Variants in NFYC observed in about 807,000 individuals in gnomAD.
NFYC encodes the protein nuclear transcription factor Y subunit gamma.
A neutral mutation model predicts 53.1 loss-of-function variants in NFYC; 25 were observed. The observed-to-expected ratio is 0.47, with a 90% CI of 0.34 to 0.66. NFYC has a LOEUF of 0.66. Among genes scored for constraint, NFYC ranks in the 30% least tolerant of loss-of-function variants. The pLI, the probability that NFYC is intolerant of heterozygous loss-of-function variation, is 0.01. For missense variants in NFYC, 260 were observed against 422.7 expected (o/e 0.62, Z 3.38); for synonymous variants, 145 against 152.6 (o/e 0.95, Z 0.37).
chr1:40,691,904 T>C (rs905120476), intron 1 of NFYC, 37 bp downstream of exon 1: 5 of 350,150 alleles, frequency 1.4e-5, no homozygotes, highest in African/African-American at 4.5e-5. Flanking sequence ...GCGAGGGTGA[T>C]AGGGAAGCGG....
chr1:40,736,434 G>C (rs1645029937), intron 1 of NFYC, among the ~76,000 whole-genome samples: 1 of 152,186 alleles, frequency 6.6e-6, no homozygotes, highest in Non-Finnish European at 1.5e-5. Context: ...ATGGAGCCTG[G>C]AAAGTAACAA....
intron 1 of NFYC, 50 bp downstream of exon 1, chr1:40,691,917 G>A (rs1266161716): frequency 2.9e-6 from 1 of 343,406 alleles, no homozygotes. Context: ...GGAAGCGGCG[G>A]CGGGGGGAGG....
At chr1:40,703,757 T>A (rs919082716) in intron 1 of NFYC, among the ~76,000 whole-genome samples, 10 of 152,196 alleles carry the variant, frequency 6.6e-5, no homozygotes, top group African/African-American at 2.4e-4. Context: ...TAAAAAATAG[T>A]TATGTGTACC....
chr1:40,731,843 G>A (rs1172897517), intron 1 of NFYC, among the ~76,000 whole-genome samples: 1 of 152,134 alleles, frequency 6.6e-6, no homozygotes, highest in Non-Finnish European at 1.5e-5. Flanking sequence ...TTATTTCAGT[G>A]TTTAATATTA....
chr1:40,709,289 A>T (rs1332302714), intron 1 of NFYC: 1 of 152,266 alleles, frequency 6.6e-6, no homozygotes, highest in Non-Finnish European at 1.5e-5. Flanking sequence ...ACCACTGTGG[A>T]GGCAAGGTTT....
At chr1:40,707,376 C>A (rs688860) in intron 1 of NFYC, among the ~76,000 whole-genome samples, 18,443 of 150,330 alleles carry the variant, frequency 0.12, 1,242 homozygotes, top group African/African-American at 0.15. Context: ...TGCCTGTAGT[C>A]CCAGCTACTA....
At chr1:40,729,767 C>T (rs1644682745) in intron 1 of NFYC, among the ~76,000 whole-genome samples, 1 of 151,876 alleles carries the variant, frequency 6.6e-6, no homozygotes, top group South Asian at 2.1e-4. Context: ...CCTTCGCCTC[C>T]TGGGTTCAAG....
At chr1:40,759,608 A>G (rs560327853) in intron 6 of NFYC, among the ~76,000 whole-genome samples, 4 of 151,632 alleles carry the variant, frequency 2.6e-5, no homozygotes, top group Non-Finnish European at 5.9e-5. Flanking sequence ...GTGTGTATAT[A>G]TATGTATATG....
At chr1:40,698,251 T>C (rs1557728251) in intron 1 of NFYC, among the ~76,000 whole-genome samples, 1 of 151,314 alleles carries the variant, frequency 6.6e-6, no homozygotes, top group East Asian at 2.0e-4. Context: ...TAGTCCCAGC[T>C]ACTCAGGAGG....
Position 40,749,559 on chromosome 1 carries a change from T to C in NFYC, c.178-14T>C. 1 of 1,603,502 alleles carries C rather than the reference T, an allele frequency of 6.2e-7. No individual in the cohort carries two copies. Among genetic ancestry groups the C allele is most frequent in the Non-Finnish European group, 8.5e-7 (1 of 1,170,362 alleles). ...TTGCTGGTGATTGACAGGGAGGGCC[T>C]GTGTCTGTTACAGATGATCAGTGCA... On this transcript the variant is annotated splice_polypyrimidine_tract_variant and intron_variant, in intron 3 of 9. Transcript: ENST00000447388.
intron 5 of NFYC, chr1:40,757,477 C>T: frequency 2.4e-6 from 1 of 408,816 alleles, no homozygotes; most frequent in South Asian, 1.8e-5. Context: ...TCCATCAGGC[C>T]CCCTGGGTTG....
intron 6 of NFYC, among the ~76,000 whole-genome samples, chr1:40,760,770 C>T (rs1646502784): frequency 6.6e-6 from 1 of 151,980 alleles, no homozygotes; most frequent in Admixed American, 6.6e-5. Flanking sequence ...GCTCATTTTA[C>T]TTATCCATAT....
intron 1 of NFYC, chr1:40,730,690 G>T (rs1456560968): frequency 7.1e-6 from 5 of 704,476 alleles, no homozygotes; most frequent in Non-Finnish European, 8.7e-6. Flanking sequence ...AACCCAAAAA[G>T]CCTAAGGGCT....
At chr1:40,756,770 G>T (rs1205144633) in intron 5 of NFYC, among the ~76,000 whole-genome samples, 1 of 152,208 alleles carries the variant, frequency 6.6e-6, no homozygotes, top group Non-Finnish European at 1.5e-5. Flanking sequence ...CTAACTGTCT[G>T]CCTGTCTAAA....
At chr1:40,694,453 A>G (rs1360531720) in intron 1 of NFYC, among the ~76,000 whole-genome samples, 2 of 152,244 alleles carry the variant, frequency 1.3e-5, no homozygotes, top group Non-Finnish European at 2.9e-5. Flanking sequence ...TGTTTACAAT[A>G]ACGTTTCACT....
At chr1:40,757,993 C>A in intron 5 of NFYC, 128 bp from the exon 6 acceptor site, 1 of 988,532 alleles carries the variant, frequency 1.0e-6, no homozygotes, top group Non-Finnish European at 1.5e-6. Context: ...CCTTTGGCTT[C>A]AAATGTGGAG....
chr1:40,762,764 G>A, intron 6 of NFYC, 124 bp from the exon 7 acceptor site: 1 of 853,892 alleles, frequency 1.2e-6, no homozygotes, highest in African/African-American at 1.7e-5. Flanking sequence ...TACTAGTACT[G>A]AGATGACCTT....
intron 1 of NFYC, among the ~76,000 whole-genome samples, chr1:40,703,310 G>A (rs570635217): frequency 6.7e-6 from 1 of 150,170 alleles, no homozygotes; most frequent in East Asian, 2.0e-4. Context: ...GGCAATATGG[G>A]GAGACCCTGT....
intron 1 of NFYC, among the ~76,000 whole-genome samples, chr1:40,734,564 T>A (rs936449835): frequency 5.3e-5 from 8 of 152,122 alleles, no homozygotes; most frequent in Admixed American, 4.6e-4. Flanking sequence ...TTTCACCATG[T>A]TGGCCAGGCT....
Sources: gnomAD v4.1 joint callset for allele counts (sites outside exome capture counted in the v4.1 genomes callset) on GRCh38, gnomAD v4.1.1 for gene constraint, MANE v1.5 for transcripts, NCBI Gene and HGNC (gene_info 2026-07-23, HGNC 2026-07-21) for gene names.